Variants in NELL2 observed in about 807,000 individuals in gnomAD.
The protein encoded by NELL2 is protein kinase C-binding protein NELL2.
In NELL2, 41 loss-of-function variants were observed where a neutral mutation model predicts 109.6. The observed-to-expected ratio is 0.37, with a 90% confidence interval of 0.29 to 0.49. The LOEUF (loss-of-function observed/expected upper bound fraction) is 0.49, where lower values mean the gene tolerates loss of function less well. Among genes scored for constraint, NELL2 ranks in the 20% least tolerant of loss-of-function variants. The probability of loss-of-function intolerance (pLI) is 0.98; values close to 1 mark genes in which losing one functional copy is unlikely to be tolerated. For synonymous variants in NELL2, 355 were observed against 344.7 expected, an observed-to-expected ratio of 1.03 and a Z score of -0.33; for missense variants, 900 against 1,008.3, an observed-to-expected ratio of 0.89 and a Z score of 1.45.
intron 19 of NELL2, among the ~76,000 whole-genome samples, chr12:44,514,508 T>C (rs1025728260): frequency 3.3e-5 from 5 of 151,628 alleles, no homozygotes; most frequent in Non-Finnish European, 7.4e-5. Flanking sequence ...TTTATTACAG[T>C]ATATTATTAT....
intron 13 of NELL2, among the ~76,000 whole-genome samples, chr12:44,622,125 A>G (rs1407936210): frequency 6.6e-6 from 1 of 152,194 alleles, no homozygotes; most frequent in Non-Finnish European, 1.5e-5. Flanking sequence ...AGGCTCCAAC[A>G]GATACAAAAT....
chr12:44,852,492 C>G (rs1329944537), intron 2 of NELL2, among the ~76,000 whole-genome samples: 2 of 152,166 alleles, frequency 1.3e-5, no homozygotes, highest in East Asian at 3.9e-4. Flanking sequence ...AACATTCCCT[C>G]TCTTTTCTTC....
intron 3 of NELL2, among the ~76,000 whole-genome samples, chr12:44,804,458 T>C (rs193197810): frequency 1.1e-4 from 16 of 151,976 alleles, no homozygotes; most frequent in African/African-American, 3.9e-4. Context: ...AACTCCACTG[T>C]CAATTAAGAC....
intron 9 of NELL2, among the ~76,000 whole-genome samples, chr12:44,729,574 A>AAAC (rs1555206439): frequency 2.6e-4 from 39 of 148,630 alleles, no homozygotes; most frequent in South Asian, 1.3e-3. Flanking sequence ...TAAAAAAAAA[A>AAAC]AAAACCAAGA....
intron 2 of NELL2, among the ~76,000 whole-genome samples, chr12:44,856,821 C>T (rs1272558326): frequency 6.6e-6 from 1 of 152,080 alleles, no homozygotes; most frequent in African/African-American, 2.4e-5. Flanking sequence ...AAGCTTGGAG[C>T]AAAGCAGTGA....
At chr12:44,869,213 G>A (rs1945095135) in intron 2 of NELL2, among the ~76,000 whole-genome samples, 1 of 151,196 alleles carries the variant, frequency 6.6e-6, no homozygotes, top group African/African-American at 2.4e-5. Context: ...TTCAAAAAGG[G>A]AGAAAATGGA....
At chr12:44,592,185 G>T (rs531940476) in intron 15 of NELL2, among the ~76,000 whole-genome samples, 2 of 152,242 alleles carry the variant, frequency 1.3e-5, no homozygotes, top group African/African-American at 4.8e-5. Flanking sequence ...GTTTTAAAAT[G>T]ATCAGAAAAA....
intron 9 of NELL2, among the ~76,000 whole-genome samples, chr12:44,773,833 T>C (rs1941645026): frequency 1.3e-5 from 2 of 152,198 alleles, no homozygotes; most frequent in African/African-American, 4.8e-5. Context: ...CAACGGACTA[T>C]GAAGCAACTT....
intron 2 of NELL2, among the ~76,000 whole-genome samples, chr12:44,864,982 AC>A (rs1226759058): frequency 1.4e-5 from 2 of 142,482 alleles, no homozygotes; most frequent in African/African-American, 5.3e-5. Context: ...TTACAGTCCC[AC>A]CAACAGTGTA....
intron 9 of NELL2, among the ~76,000 whole-genome samples, chr12:44,772,282 C>T (rs1040731844): frequency 5.3e-5 from 8 of 152,150 alleles, no homozygotes; most frequent in Non-Finnish European, 7.4e-5. Flanking sequence ...CACACACACA[C>T]GCACAAACAC....
At chr12:44,875,126 T>C (rs748533790) in intron 2 of NELL2, 99 bp downstream of exon 2, 1 of 1,463,176 alleles carries the variant, frequency 6.8e-7, no homozygotes, top group South Asian at 1.4e-5. Context: ...AGTACTGTCA[T>C]CCATGAGGCA....
At chr12:44,876,419 G>A, upstream of NELL2, 1 of 1,276,380 alleles carries the variant, frequency 7.8e-7, no homozygotes, top group East Asian at 3.0e-5. Flanking sequence ...CGAGGGCGAG[G>A]CCGGCGCTCA....
chr12:44,718,081 A>G (rs1938583755), intron 9 of NELL2, among the ~76,000 whole-genome samples: 1 of 152,166 alleles, frequency 6.6e-6, no homozygotes, highest in Non-Finnish European at 1.5e-5. Context: ...GAAAGAGAAA[A>G]CTGATATTTT....
intron 15 of NELL2, among the ~76,000 whole-genome samples, chr12:44,576,410 C>T (rs1038917711): frequency 4.6e-5 from 7 of 152,192 alleles, no homozygotes; most frequent in Non-Finnish European, 1.0e-4. Context: ...CTTCCCAGTG[C>T]CTGTCCTAAT....
At chr12:44,581,751 A>T (rs138161105) in intron 15 of NELL2, among the ~76,000 whole-genome samples, 1 of 152,166 alleles carries the variant, frequency 6.6e-6, no homozygotes, top group Non-Finnish European at 1.5e-5. Flanking sequence ...ATAAAAATCA[A>T]TTGAAAGCTA....
At chr12:44,669,665 A>T (rs1566124429) in intron 12 of NELL2, among the ~76,000 whole-genome samples, 2 of 152,118 alleles carry the variant, frequency 1.3e-5, no homozygotes, top group African/African-American at 2.4e-5. Flanking sequence ...CTGAACTTAA[A>T]GACAGGGCTT....
chr12:44,884,727 G>T (rs74555816), intron 1 of NELL2, among the ~76,000 whole-genome samples: 15 of 152,028 alleles, frequency 9.9e-5, no homozygotes, highest in Non-Finnish European at 2.1e-4. Flanking sequence ...AGAAATGCAA[G>T]GTTGATAAAA....
intron 12 of NELL2, among the ~76,000 whole-genome samples, chr12:44,687,277 G>A (rs1293390539): frequency 1.2e-4 from 19 of 152,132 alleles, no homozygotes; most frequent in Non-Finnish European, 2.1e-4. Context: ...CCCATGGTGC[G>A]CGCACCCACT....
chr12:44,616,714 C>T (rs935047945), intron 13 of NELL2, among the ~76,000 whole-genome samples: 13 of 152,068 alleles, frequency 8.5e-5, no homozygotes, highest in East Asian at 7.7e-4. Flanking sequence ...TGGGTTTTAC[C>T]GATGTCCATC....
Sources: allele counts gnomAD v4.1 joint callset (sites outside exome capture counted in the v4.1 genomes callset), GRCh38; gene constraint gnomAD v4.1.1; transcripts MANE v1.5; gene names NCBI Gene and HGNC (gene_info 2026-07-23, HGNC 2026-07-21).